Variants in MSRA observed in about 807,000 individuals in gnomAD.
MSRA encodes the protein methionine sulfoxide reductase A, also known as mitochondrial peptide methionine sulfoxide reductase.
A neutral mutation model predicts 31.3 loss-of-function variants in MSRA; 54 were observed. That is an observed-to-expected ratio of 1.73 (90% confidence interval 1.39 to 2.17). The LOEUF (loss-of-function observed/expected upper bound fraction) is 2.17, where lower values mean the gene tolerates loss of function less well. Ranked by LOEUF, MSRA falls within the 30% of genes most tolerant of loss-of-function variation. The pLI, the probability that MSRA is intolerant of heterozygous loss-of-function variation, is 0.00. For missense variants in MSRA, 507 were observed against 300.9 expected (o/e 1.69, Z -5.07); for synonymous variants, 169 against 116.5 (o/e 1.45, Z -2.90).
intron 1 of MSRA, among the ~76,000 whole-genome samples, chr8:10,123,348 G>A (rs1801263736): frequency 6.6e-6 from 1 of 152,132 alleles, no homozygotes; most frequent in African/African-American, 2.4e-5. Context: ...GTCTGTTCAT[G>A]CCCTTTGTCC....
chr8:10,160,065 T>C (rs570767327), intron 1 of MSRA, among the ~76,000 whole-genome samples: 1 of 152,250 alleles, frequency 6.6e-6, no homozygotes, highest in Non-Finnish European at 1.5e-5. Flanking sequence ...TTTTCTTCTT[T>C]TCATTTTTTA....
intron 5 of MSRA, among the ~76,000 whole-genome samples, chr8:10,365,810 G>C (rs1185264758): frequency 1.3e-5 from 2 of 152,224 alleles, no homozygotes; most frequent in Non-Finnish European, 2.9e-5. Flanking sequence ...CTCGGAGGTA[G>C]AACACCCTGG....
chr8:10,402,039 T>C (rs868764430), intron 5 of MSRA, among the ~76,000 whole-genome samples: 5 of 152,278 alleles, frequency 3.3e-5, no homozygotes, highest in African/African-American at 9.6e-5. Context: ...ATGCCTAAAA[T>C]AGTAAATATT....
chr8:10,388,149 A>T (rs1806509894), intron 5 of MSRA, among the ~76,000 whole-genome samples: 1 of 152,210 alleles, frequency 6.6e-6, no homozygotes, highest in South Asian at 2.1e-4. Flanking sequence ...TAAGTAATTC[A>T]AAGAGGTGGC....
chr8:10,265,337 A>G (rs1433443331), intron 3 of MSRA, among the ~76,000 whole-genome samples: 2 of 152,166 alleles, frequency 1.3e-5, no homozygotes, highest in Non-Finnish European at 2.9e-5. Context: ...AGATTGAGGT[A>G]GGACAGGTGT....
At chr8:10,319,594 T>A (rs1365592137) in intron 4 of MSRA, among the ~76,000 whole-genome samples, 1 of 151,502 alleles carries the variant, frequency 6.6e-6, no homozygotes, top group Non-Finnish European at 1.5e-5. Flanking sequence ...TTTAAGTATT[T>A]CATGTAAAAG....
At chr8:10,161,476 T>G (rs182652959) in intron 1 of MSRA, among the ~76,000 whole-genome samples, 1 of 152,212 alleles carries the variant, frequency 6.6e-6, no homozygotes, top group Non-Finnish European at 1.5e-5. Flanking sequence ...GCAGGTTTTA[T>G]GCAGCTTGAA....
intron 5 of MSRA, among the ~76,000 whole-genome samples, chr8:10,345,986 C>T (rs1005462333): frequency 3.9e-5 from 6 of 152,234 alleles, no homozygotes; most frequent in Admixed American, 6.5e-5. Flanking sequence ...AATCATAGTT[C>T]AGCCATCCAT....
chr8:10,079,040 G>A (rs1451082317), intron 1 of MSRA, among the ~76,000 whole-genome samples: 4 of 152,240 alleles, frequency 2.6e-5, no homozygotes, highest in Non-Finnish European at 4.4e-5. Context: ...GTGCTGGCAG[G>A]ATCCTACCTG....
chr8:10,126,108 C>T (rs771170381), intron 1 of MSRA, among the ~76,000 whole-genome samples: 3 of 152,126 alleles, frequency 2.0e-5, no homozygotes, highest in East Asian at 3.9e-4. Context: ...GGACTATCCC[C>T]TGGGTAAAAA....
intron 1 of MSRA, among the ~76,000 whole-genome samples, chr8:10,150,742 T>G (rs1003231346): frequency 6.6e-6 from 1 of 152,184 alleles, no homozygotes; most frequent in African/African-American, 2.4e-5. Flanking sequence ...AAGCCTGTTC[T>G]TTCCCGTGTG....
At chr8:10,175,509 G>A (rs1805971258) in intron 1 of MSRA, among the ~76,000 whole-genome samples, 1 of 152,148 alleles carries the variant, frequency 6.6e-6, no homozygotes, top group African/African-American at 2.4e-5. Flanking sequence ...ATTTTAGTCT[G>A]ATGATCTTAA....
intron 1 of MSRA, among the ~76,000 whole-genome samples, chr8:10,129,795 C>A (rs1801767966): frequency 6.6e-6 from 1 of 152,186 alleles, no homozygotes; most frequent in Admixed American, 6.5e-5. Context: ...TCTGTCCAAA[C>A]CAGCTTATAC....
At chr8:10,065,413 A>C (rs1472849695) in intron 1 of MSRA, among the ~76,000 whole-genome samples, 3 of 152,232 alleles carry the variant, frequency 2.0e-5, no homozygotes, top group Admixed American at 2.0e-4. Flanking sequence ...TGCTCATACT[A>C]ACAAGCTCTG....
At chr8:10,330,405 A>G (rs941991085) in intron 5 of MSRA, among the ~76,000 whole-genome samples, 3 of 152,216 alleles carry the variant, frequency 2.0e-5, no homozygotes, top group Non-Finnish European at 4.4e-5. Flanking sequence ...ATTCCCCAGC[A>G]AGAGGTATAT....
rs753862028 is a variant in MSRA, at chr8:10,305,664, G to A, written c.436+4026G>A. 1.7e-4 allele frequency among the ~76,000 whole-genome samples: 26 copies of A among 152,196 alleles called. 1 individual carries two copies. The highest frequency in any genetic ancestry group is 5.3e-4 in the African/African-American group (22 of 41,544). On this transcript the variant is annotated intron_variant, in intron 4 of 5. Transcript: ENST00000317173. ...CCTGACCTCATGATTCGCCCACCTC[G>A]GCCTCCCCAAGTGCTGGGATTACAG... is the stretch of plus-strand genomic sequence containing the variant.
In MSRA at chr8:10,402,891, A is replaced by T. The variant is rs550033103; in HGVS notation, c.544-25257A>T. Among the ~76,000 whole-genome samples the T allele has an allele frequency of 1.1e-4, 16 of 152,346 alleles. No individual in the cohort carries two copies. The East Asian group carries it at 3.1e-3, about 29-fold the overall frequency. ...GGTCCCAACATGGGTAATGACCCTG[A>T]TTCTCCTGCTATTTGGAGGCATTTA... is the stretch of plus-strand genomic sequence containing the variant. On this transcript the variant is annotated intron_variant, in intron 5 of 5. Coordinates refer to ENST00000317173, the MANE Select transcript of MSRA (RefSeq NM_012331.5).
chr8:10,324,163 G>A (rs940721176), intron 5 of MSRA, among the ~76,000 whole-genome samples: 1 of 152,216 alleles, frequency 6.6e-6, no homozygotes, highest in African/African-American at 2.4e-5. Flanking sequence ...ACATGTGGCT[G>A]TTGAGCACTT....
In MSRA at chr8:10,245,169, G is replaced by A. The variant is rs1374294051; in HGVS notation, c.277G>A (p.Val93Ile). The A allele has an allele frequency of 1.2e-6, 2 of 1,613,844 alleles. No individual in the cohort carries two copies. Among genetic ancestry groups the A allele is most frequent in the Non-Finnish European group, 8.5e-7 (1 of 1,179,882 alleles). Residue 93 changes from valine to isoleucine, a missense_variant, in exon 3 of 6, where the codon GTT becomes ATT. Val to Ile is a conservative substitution (Grantham distance 29, BLOSUM62 3). Coordinates refer to ENST00000317173, the MANE Select transcript of MSRA (RefSeq NM_012331.5). ...CTTGAAAGGAGTGTATTCAACTCAA[G>A]TTGGTTTTGCAGGAGGCTATACTTC... ...WVLKGVYSTQ[V>I]GFAGGYTSNP... is the part of the protein sequence containing the mutation.
Sources: gnomAD v4.1 joint callset for allele counts (sites outside exome capture counted in the v4.1 genomes callset) on GRCh38, gnomAD v4.1.1 for gene constraint, MANE v1.5 for transcripts, NCBI Gene and HGNC (gene_info 2026-07-23, HGNC 2026-07-21) for gene names.